Variants in ASCC3 observed in about 807,000 individuals in gnomAD.
ASCC3 encodes the protein activating signal cointegrator 1 complex subunit 3.
A neutral mutation model predicts 256.3 loss-of-function variants in ASCC3; 158 were observed. The observed-to-expected ratio is 0.62, with a 90% CI of 0.54 to 0.70. The LOEUF is 0.70. ASCC3 is among the 30% of genes least tolerant of loss of function. The pLI is 0.00. For synonymous variants in ASCC3, 948 were observed against 883.4 expected (o/e 1.07, Z -1.30); for missense variants, 2,259 against 2,626.0 (o/e 0.86, Z 3.05).
At chr6:100,573,007 C>A (rs1291469678) in intron 36 of ASCC3, among the ~76,000 whole-genome samples, 3 of 152,072 alleles carry the variant, frequency 2.0e-5, no homozygotes, top group African/African-American at 7.2e-5. Context: ...TGTCCCTCAG[C>A]ATGAAGGGGT....
At chr6:100,753,091 C>G (rs571953452) in intron 10 of ASCC3, among the ~76,000 whole-genome samples, 1 of 152,168 alleles carries the variant, frequency 6.6e-6, no homozygotes, top group East Asian at 1.9e-4. Flanking sequence ...ATAAGCACCA[C>G]ACTCTTACCA....
chr6:100,836,435 G>A (rs1161112541), intron 4 of ASCC3, among the ~76,000 whole-genome samples: 2 of 151,894 alleles, frequency 1.3e-5, no homozygotes, highest in Non-Finnish European at 2.9e-5. Flanking sequence ...ATTTGTTGAG[G>A]GGTTTTAATC....
chr6:100,657,276 A>T (rs1178115816), intron 16 of ASCC3, among the ~76,000 whole-genome samples: 1 of 151,484 alleles, frequency 6.6e-6, no homozygotes, highest in Non-Finnish European at 1.5e-5. Flanking sequence ...GTAGGTAAAT[A>T]TATATACTCA....
At chr6:100,796,244 G>C (rs1228356425) in intron 8 of ASCC3, among the ~76,000 whole-genome samples, 1 of 152,162 alleles carries the variant, frequency 6.6e-6, no homozygotes, top group East Asian at 1.9e-4. Flanking sequence ...ATTGCTCATG[G>C]CTGTGTTAAA....
At chr6:100,807,332 G>A (rs1770239425) in intron 4 of ASCC3, among the ~76,000 whole-genome samples, 1 of 118,216 alleles carries the variant, frequency 8.5e-6, no homozygotes, top group Non-Finnish European at 1.6e-5. Context: ...TTAATAATAT[G>A]TGGCAGAAAG....
At position 100,516,296 on chromosome 6, in the gene ASCC3, C is replaced by T. The variant is rs766331817; in HGVS notation, c.5959G>A (p.Ala1987Thr). 5 of 1,613,612 alleles carry T rather than the reference C, an allele frequency of 3.1e-6. No individual in the cohort carries two copies. The Admixed American group carries it at 8.3e-5, about 27-fold the overall frequency. ...KWKPIMKGPH[A>T]RGRTSIESLP... ...GACTCGATGGAGGTCCGACCCCTAG[C>T]ATGTGGGCCCTTCATAATCGGCTTC... Residue 1987 changes from alanine to threonine, a missense_variant, in exon 39 of 42, where the codon GCT becomes ACT. By Grantham distance (58) the Ala-to-Thr change is moderately conservative. This residue lies in a region of ASCC3 where 1,839 missense variants were observed against 2,206.7 expected (regional missense o/e 0.83). Transcript: ENST00000369162.
chr6:100,742,139 G>T (rs550708042), intron 10 of ASCC3, among the ~76,000 whole-genome samples: 28 of 152,234 alleles, frequency 1.8e-4, no homozygotes, highest in Admixed American at 1.3e-3. Flanking sequence ...GTGATTTGCT[G>T]GAGGTCTGCT....
chr6:100,744,820 C>G (rs1191633962), intron 10 of ASCC3, among the ~76,000 whole-genome samples: 1 of 152,140 alleles, frequency 6.6e-6, no homozygotes, highest in Non-Finnish European at 1.5e-5. Context: ...CTGCAAGACC[C>G]TAGGAAGCTA....
intron 4 of ASCC3, among the ~76,000 whole-genome samples, chr6:100,809,629 T>C (rs1279746615): frequency 1.3e-5 from 2 of 152,100 alleles, no homozygotes; most frequent in African/African-American, 4.8e-5. Flanking sequence ...CAAAATCTTG[T>C]AGAGTACTCA....
intron 36 of ASCC3, among the ~76,000 whole-genome samples, chr6:100,553,853 G>GA (rs1384249760): frequency 6.6e-6 from 1 of 151,858 alleles, no homozygotes; most frequent in African/African-American, 2.4e-5. Flanking sequence ...AGTTAAAAAA[G>GA]AAAAAAATAT....
chr6:100,788,600 A>G (rs1219626922), intron 8 of ASCC3, among the ~76,000 whole-genome samples: 1 of 151,996 alleles, frequency 6.6e-6, no homozygotes, highest in Non-Finnish European at 1.5e-5. Flanking sequence ...ACGGATACAA[A>G]ATGTAATACG....
At chr6:100,746,961 T>A (rs181846993) in intron 10 of ASCC3, among the ~76,000 whole-genome samples, 1 of 152,102 alleles carries the variant, frequency 6.6e-6, no homozygotes, top group Non-Finnish European at 1.5e-5. Flanking sequence ...GTTACAAACG[T>A]CAAAAGGCAA....
At chr6:100,834,562 G>A (rs2114468146) in intron 4 of ASCC3, among the ~76,000 whole-genome samples, 1 of 152,258 alleles carries the variant, frequency 6.6e-6, no homozygotes, top group Middle Eastern at 3.4e-3. Context: ...AACAAAAGCT[G>A]CTTTTCTGAA....
chr6:100,856,395 C>A, intron 3 of ASCC3: 1 of 984,062 alleles, frequency 1.0e-6, no homozygotes, highest in Non-Finnish European at 1.2e-6. Context: ...ATAGCCAAAC[C>A]TTAAGCTAAA....
intron 10 of ASCC3, among the ~76,000 whole-genome samples, chr6:100,756,439 T>C (rs145403154): frequency 1.3e-5 from 2 of 152,212 alleles, no homozygotes; most frequent in East Asian, 3.9e-4. Flanking sequence ...TAATAATCTT[T>C]GACATACGTC....
chr6:100,797,171 C>T (rs1047795671), intron 8 of ASCC3, among the ~76,000 whole-genome samples: 2 of 151,740 alleles, frequency 1.3e-5, no homozygotes, highest in South Asian at 2.1e-4. Flanking sequence ...AGATTTAGAC[C>T]GGGTGCGGTG....
intron 37 of ASCC3, among the ~76,000 whole-genome samples, chr6:100,519,255 T>A (rs1774184926): frequency 6.6e-6 from 1 of 152,098 alleles, no homozygotes; most frequent in African/African-American, 2.4e-5. Context: ...GAGAAATGGA[T>A]CAAAATTTCT....
chr6:100,623,599 T>C (rs1582582918), intron 30 of ASCC3, among the ~76,000 whole-genome samples: 1 of 152,144 alleles, frequency 6.6e-6, no homozygotes, highest in East Asian at 1.9e-4. Context: ...TGCTCTTCTT[T>C]AGCCTGCATG....
At chr6:100,677,806 T>C (rs1228877702) in intron 14 of ASCC3, among the ~76,000 whole-genome samples, 1 of 151,866 alleles carries the variant, frequency 6.6e-6, no homozygotes, top group East Asian at 1.9e-4. Context: ...AAATCAAGTA[T>C]AATAAAAATA....
Sources: gnomAD v4.1 joint callset for allele counts (sites outside exome capture counted in the v4.1 genomes callset) on GRCh38, gnomAD v4.1.1 for gene constraint, gnomAD v4.1.1 regional missense constraint, MANE v1.5 for transcripts, NCBI Gene and HGNC (gene_info 2026-07-23, HGNC 2026-07-21) for gene names.